PLCG1: variants seen among roughly 807,000 people sequenced by gnomAD.
PLCG1 encodes the protein phospholipase C gamma 1, also known as 1-phosphatidylinositol 4,5-bisphosphate phosphodiesterase gamma-1.
A neutral mutation model predicts 177.8 loss-of-function variants in PLCG1; 71 were observed. The observed-to-expected ratio is 0.40, with a 90% CI of 0.33 to 0.49. The LOEUF is 0.49. Among genes scored for constraint, PLCG1 ranks in the 20% least tolerant of loss-of-function variants. The pLI is 0.72. For synonymous variants in PLCG1, 658 were observed against 647.9 expected (o/e 1.02, Z -0.24); for missense variants, 1,281 against 1,709.0 (o/e 0.75, Z 4.42).
chr20:41,168,355 T>C (rs1384137872), intron 20 of PLCG1, among the ~76,000 whole-genome samples: 1 of 152,238 alleles, frequency 6.6e-6, no homozygotes, highest in Non-Finnish European at 1.5e-5. Flanking sequence ...AGGAAGTTTT[T>C]CTTTCCACTT....
In PLCG1 at chr20:41,166,537, G is replaced by A; in HGVS notation, c.2062G>A (p.Asp688Asn). The part of the protein sequence containing the change: ...AEHMLMRVPR[D>N]GAFLVRKRNE... Reference sequence around the variant, plus strand: ...GCACATGCTAATGCGCGTCCCTCGTGATGGGGCCTTCCTGGTGCGGAAGCG... The same window carrying A: ...GCACATGCTAATGCGCGTCCCTCGTAATGGGGCCTTCCTGGTGCGGAAGCG... The change falls in exon 18 of 32, where the codon GAT (aspartate) becomes AAT (asparagine). Residue 688 changes from aspartate to asparagine, a missense_variant. Around this residue, in one of 4 missense-constraint regions of PLCG1, gnomAD observed 723 missense variants for 1,030.0 expected, o/e 0.70. Transcript: ENST00000685551. The surrounding 1 kb of genome is among the most constrained non-coding windows in gnomAD (Gnocchi z 8.6). The A allele has an allele frequency of 6.2e-7, 1 of 1,614,178 alleles. No homozygotes were observed. Among genetic ancestry groups the A allele is most frequent in the Non-Finnish European group, 8.5e-7 (1 of 1,180,036 alleles).
chr20:41,168,040 G>C, intron 20 of PLCG1, 111 bp downstream of exon 20: 1 of 784,462 alleles, frequency 1.3e-6, no homozygotes, highest in Non-Finnish European at 2.2e-6. Flanking sequence ...TGGTGGTTGT[G>C]GTTTTCCGAG....
Position 41,167,745 on chromosome 20 carries a change from G to A in PLCG1, c.2302-107G>A, listed in dbSNP as rs1206303040. The A allele has an allele frequency of 3.9e-6, 3 of 770,632 alleles. No individual in the cohort carries two copies. Among genetic ancestry groups the A allele is most frequent in the South Asian group, 1.5e-5 (1 of 67,112 alleles). The allele number at this position is 770,632 out of a possible 1,614,324, so 47.7% of individuals were successfully genotyped here. A position where few individuals can be genotyped will look rare whatever the true frequency, so the allele number is the denominator to read the frequency against. On this transcript the variant is annotated intron_variant, in intron 19 of 31. Transcript: ENST00000685551. The surrounding 1 kb of genome is among the most constrained non-coding windows in gnomAD (Gnocchi z 4.4). Reference sequence around the variant, plus strand: ...GTCGAAGGATCCCTGTGGATCAGGTGCAAGTTTGCTGCACTGGGGGAAAGG... The same window carrying A: ...GTCGAAGGATCCCTGTGGATCAGGTACAAGTTTGCTGCACTGGGGGAAAGG...
chr20:41,154,491 C>T (rs1476589760), intron 1 of PLCG1, among the ~76,000 whole-genome samples: 1 of 152,258 alleles, frequency 6.6e-6, no homozygotes, highest in Non-Finnish European at 1.5e-5. Flanking sequence ...TGTCCTTGAA[C>T]TCTGCCGGGG....
rs752571891 is a variant in PLCG1 at position 41,166,535 on chromosome 20, G to A, written c.2060G>A (p.Arg687His). ...GAGCACATGCTAATGCGCGTCCCTC[G>A]TGATGGGGCCTTCCTGGTGCGGAAG... is the stretch of plus-strand genomic sequence containing the variant. ...QAEHMLMRVP[R>H]DGAFLVRKRN... Residue 687 changes from arginine to histidine, a missense_variant, in exon 18 of 32, where the codon CGT becomes CAT. Arg to His is a conservative substitution (Grantham distance 29). Coordinates refer to ENST00000685551, the MANE Select transcript of PLCG1 (RefSeq NM_002660.3). The surrounding 1 kb of genome is among the most constrained non-coding windows in gnomAD (Gnocchi z 8.6). 2.5e-6 allele frequency: 4 copies of A among 1,614,052 alleles called. No individual in the cohort carries two copies. Among genetic ancestry groups the A allele is most frequent in the African/African-American group, 1.3e-5 (1 of 74,940 alleles).
At position 41,165,616 on chromosome 20, in the gene PLCG1, T is replaced by C. The variant is rs908805386; in HGVS notation, c.1612-23T>C. On this transcript the variant is annotated intron_variant, in intron 15 of 31. Transcript: ENST00000685551. This position sits in a 1 kb window ranked among gnomAD's most constrained non-coding sequence, Gnocchi z 6.6. Reference sequence around the variant, plus strand: ...GGCCTGGGCCAGGGTCACAGTATCTTTGCTGTTGCCTTCCCCTGACAGGTC... The same window carrying C: ...GGCCTGGGCCAGGGTCACAGTATCTCTGCTGTTGCCTTCCCCTGACAGGTC... 4 of 1,611,800 alleles carry C rather than the reference T, an allele frequency of 2.5e-6. No individual in the cohort carries two copies. The African/African-American group carries it at 5.3e-5, about 22-fold the overall frequency.
chr20:41,169,373 T>C (rs1458540924), intron 22 of PLCG1, 84 bp from the exon 23 acceptor site: 37 of 1,114,830 alleles, frequency 3.3e-5, no homozygotes, highest in Non-Finnish European at 3.8e-5. Flanking sequence ...ACCCACAAGA[T>C]GTATTTGTCC....
rs2035964814 is a variant in PLCG1 at position 41,173,407 on chromosome 20, T to C, written c.3280-13T>C. The C allele has an allele frequency of 3.2e-6, 5 of 1,572,412 alleles. No homozygotes were observed. In the South Asian group the frequency reaches 3.6e-5, roughly 11 times the overall value. On this transcript the variant is annotated splice_polypyrimidine_tract_variant and intron_variant, in intron 27 of 31. Coordinates refer to ENST00000685551, the MANE Select transcript of PLCG1 (RefSeq NM_002660.3). This position sits in a 1 kb window ranked among gnomAD's most constrained non-coding sequence, Gnocchi z 6.2. ...GGAAGGACAATCCCAGGCCCTTCTT[T>C]GTCTGCCTACAGGTGCTGGGGGCCC... is the stretch of plus-strand genomic sequence containing the variant.
At position 41,159,943 on chromosome 20, in the gene PLCG1, C is replaced by G. The variant is rs1246029083; in HGVS notation, c.444C>G (p.Pro148=). Residue 148 remains proline (P), a synonymous_variant, in exon 3 of 32, where the codon CCC becomes CCG. Coordinates refer to ENST00000685551, the MANE Select transcript of PLCG1 (RefSeq NM_002660.3). This position sits in a 1 kb window ranked among gnomAD's most constrained non-coding sequence, Gnocchi z 6.0. Reference sequence around the variant, plus strand: ...TGATGGAGGATACATTGCAGGCACCCACACCCCTGCAGATTGAGAGGTAAG... The same window carrying G: ...TGATGGAGGATACATTGCAGGCACCGACACCCCTGCAGATTGAGAGGTAAG... ...TWLMEDTLQA[P]TPLQIERWLR... 6.2e-7 allele frequency: 1 copy of G among 1,613,410 alleles called. No homozygotes were observed. The highest frequency in any genetic ancestry group is 8.5e-7 in the Non-Finnish European group (1 of 1,179,340).
At position 41,165,627 on chromosome 20, in the gene PLCG1, T is replaced by G. The variant is rs1177601631; in HGVS notation, c.1612-12T>G. 3.7e-6 allele frequency: 6 copies of G among 1,612,224 alleles called. No homozygotes were observed. The African/African-American group carries it at 8.0e-5, about 22-fold the overall frequency. Reference sequence around the variant, plus strand: ...GGGTCACAGTATCTTTGCTGTTGCCTTCCCCTGACAGGTCAGCAGCAGCAC... The same window carrying G: ...GGGTCACAGTATCTTTGCTGTTGCCGTCCCCTGACAGGTCAGCAGCAGCAC... On this transcript the variant is annotated splice_polypyrimidine_tract_variant and intron_variant, in intron 15 of 31. Coordinates refer to ENST00000685551, the MANE Select transcript of PLCG1 (RefSeq NM_002660.3). This position sits in a 1 kb window ranked among gnomAD's most constrained non-coding sequence, Gnocchi z 6.6.
Position 41,170,264 on chromosome 20 carries a change from G to A in PLCG1, c.2803G>A (p.Ala935Thr), listed in dbSNP as rs1190320310. Reference protein sequence around the residue: ...KIREVAQTADARLTEGKIMER... With the variant: ...KIREVAQTADTRLTEGKIMER... ...CCGTGAAGTGGCCCAGACAGCAGAC[G>A]CCAGGGTGAGATTCTGCTGGAACCT... Residue 935 changes from alanine (A) to threonine (T), a missense_variant, in exon 24 of 32, where the codon GCC becomes ACC. Physicochemically the swap from Ala to Thr is moderately conservative, Grantham distance 58. Coordinates refer to ENST00000685551, the MANE Select transcript of PLCG1 (RefSeq NM_002660.3). 5 of 1,613,966 alleles carry A rather than the reference G, an allele frequency of 3.1e-6. No individual in the cohort carries two copies. Among genetic ancestry groups the A allele is most frequent in the African/African-American group, 2.7e-5 (2 of 74,930 alleles).
In PLCG1 at chr20:41,144,870, C is replaced by A. The variant is rs60646135; in HGVS notation, c.217+7012C>A. 2.0e-5 allele frequency among the ~76,000 whole-genome samples: 3 copies of A among 151,842 alleles called. No individual in the cohort carries two copies. The highest frequency in any genetic ancestry group is 7.3e-5 in the African/African-American group (3 of 41,308). On this transcript the variant is annotated intron_variant, in intron 1 of 31. Transcript: ENST00000685551. This position sits in a 1 kb window ranked among gnomAD's most constrained non-coding sequence, Gnocchi z 4.1. ...CATACCTACTCTCCTTAAAAAAAAA[C>A]AAAAAACTAGCTTTCTTGGGCCTCA...
chr20:41,168,317 C>G (rs535670614), intron 20 of PLCG1, among the ~76,000 whole-genome samples: 1 of 152,220 alleles, frequency 6.6e-6, no homozygotes, highest in South Asian at 2.1e-4. Flanking sequence ...TTTCTCACCC[C>G]CTCCCCTCCA....
At chr20:41,143,019 G>A (rs1296845474) in intron 1 of PLCG1, among the ~76,000 whole-genome samples, 4 of 152,214 alleles carry the variant, frequency 2.6e-5, no homozygotes, top group African/African-American at 9.6e-5. Flanking sequence ...GCTCTCAGCA[G>A]TCCCTCTATT....
Position 41,165,808 on chromosome 20 carries a change from A to ACCGAGAT in PLCG1, c.1782_1783insCGAGATC (p.Tyr595ArgfsTer38). The ACCGAGAT allele has an allele frequency of 6.3e-7, 1 of 1,589,844 alleles. No homozygotes were observed. The highest frequency in any genetic ancestry group is 8.6e-7 in the Non-Finnish European group (1 of 1,164,488). On this transcript the variant is annotated frameshift_variant, in exon 16 of 32. Transcript: ENST00000685551. LOFTEE classifies it high-confidence loss of function. This position sits in a 1 kb window ranked among gnomAD's most constrained non-coding sequence, Gnocchi z 6.6. ...CGAGAGAGTGAGACCTTCGTGGGCG[A>ACCGAGAT]CTACACGCTCTCTTTCTGGTAACAC...
chr20:41,141,755 C>T (rs1249335852), intron 1 of PLCG1, among the ~76,000 whole-genome samples: 2 of 152,218 alleles, frequency 1.3e-5, no homozygotes, highest in African/African-American at 2.4e-5. Context: ...CCAGGCCCCC[C>T]CGCCCAGCTG....
intron 1 of PLCG1, among the ~76,000 whole-genome samples, chr20:41,145,572 T>C (rs1486656110): frequency 6.6e-6 from 1 of 152,020 alleles, no homozygotes; most frequent in Non-Finnish European, 1.5e-5. Context: ...TGCCCAGAGT[T>C]TGAGTTTCTC....
chr20:41,170,228 G>A lies in PLCG1; in HGVS notation c.2767G>A (p.Val923Met). ...ADSQEELQDW[V>M]KKIREVAQTA... The stretch of plus-strand genomic sequence containing the variant: ...CTCACAGGAGGAGCTGCAGGACTGG[G>A]TGAAAAAGATCCGTGAAGTGGCCCA... Residue 923 changes from valine to methionine, a missense_variant, in exon 24 of 32, where the codon GTG becomes ATG. By Grantham distance (21) the Val-to-Met change is conservative (BLOSUM62 1). Coordinates refer to ENST00000685551, the MANE Select transcript of PLCG1 (RefSeq NM_002660.3). 1 of 1,614,112 alleles carries A rather than the reference G, an allele frequency of 6.2e-7. No individual in the cohort carries two copies. Among genetic ancestry groups the A allele is most frequent in the Non-Finnish European group, 8.5e-7 (1 of 1,180,002 alleles).
Position 41,174,420 on chromosome 20 carries a change from C to A in PLCG1, c.3834-47C>A. ...AGTTGTAATATTGTCTGGCATTGGGCTGCAAGGCCCTGCCTGCCAGTAAGG... is the reference window on the plus strand; with the variant it reads ...AGTTGTAATATTGTCTGGCATTGGGATGCAAGGCCCTGCCTGCCAGTAAGG... On this transcript the variant is annotated intron_variant, in intron 31 of 31. Transcript: ENST00000685551. The surrounding 1 kb of genome is among the most constrained non-coding windows in gnomAD (Gnocchi z 5.8). 6.3e-7 allele frequency: 1 copy of A among 1,588,176 alleles called. No homozygotes were observed. Among genetic ancestry groups the A allele is most frequent in the Non-Finnish European group, 8.6e-7 (1 of 1,164,018 alleles).
Sources: gnomAD v4.1 joint callset for allele counts (sites outside exome capture counted in the v4.1 genomes callset) on GRCh38, gnomAD v4.1.1 for gene constraint, gnomAD v4.1.1 regional missense constraint, Gnocchi (gnomAD v3.1) non-coding constraint, MANE v1.5 for transcripts, NCBI Gene and HGNC (gene_info 2026-07-23, HGNC 2026-07-21) for gene names.